Variants in RPS6KC1 observed in about 807,000 individuals in gnomAD.
RPS6KC1 encodes ribosomal protein S6 kinase C1.
In RPS6KC1, 54 loss-of-function variants were observed where a neutral mutation model predicts 103.8. That is an observed-to-expected ratio of 0.52 (90% CI 0.42 to 0.65). The LOEUF (loss-of-function observed/expected upper bound fraction) is 0.65. Among genes scored for constraint, RPS6KC1 ranks in the 30% least tolerant of loss-of-function variants. The probability of loss-of-function intolerance (pLI) is 0.00; values close to 1 mark genes in which losing one functional copy is unlikely to be tolerated. For synonymous variants in RPS6KC1, 439 were observed against 438.7 expected (o/e 1.00, Z -0.01); for missense variants, 1,151 against 1,253.8 (o/e 0.92, Z 1.24).
At chr1:213,197,523 A>AGTAT (rs3056229) in intron 8 of RPS6KC1, among the ~76,000 whole-genome samples, 16,013 of 150,580 alleles carry the variant, frequency 0.11, 962 homozygotes, top group Middle Eastern at 0.17. Flanking sequence ...TGTATTCCTA[A>AGTAT]GTATGTATGT....
At chr1:213,506,538 C>A in the RPS6KC1 span, among the ~76,000 whole-genome samples, 1 of 152,180 alleles carries the variant, frequency 6.6e-6, no homozygotes, top group East Asian at 1.9e-4. Flanking sequence ...GGGTCACCCA[C>A]CAGGTCTAGC....
the RPS6KC1 span, among the ~76,000 whole-genome samples, chr1:213,580,641 C>T: frequency 1.3e-5 from 2 of 151,912 alleles, no homozygotes; most frequent in African/African-American, 4.8e-5. Flanking sequence ...TAAGAAATTG[C>T]CACAGCCAAC....
the RPS6KC1 span, among the ~76,000 whole-genome samples, chr1:213,644,690 A>G: frequency 6.6e-6 from 1 of 152,072 alleles, no homozygotes; most frequent in Non-Finnish European, 1.5e-5. Context: ...ATGTCTTTTC[A>G]TGACTTGACA....
the RPS6KC1 span, among the ~76,000 whole-genome samples, chr1:213,363,625 GCTTTCTTTCTTTCTTT>G: frequency 0.038 from 2,752 of 73,334 alleles, 162 homozygotes; most frequent in Admixed American, 0.05. Context: ...TTGCTTGCTT[GCTTTCTTTCTTTCTTT>G]CTTTCTTTCT....
At chr1:213,279,098 A>G (rs2095118040), downstream of RPS6KC1, among the ~76,000 whole-genome samples, 1 of 152,042 alleles carries the variant, frequency 6.6e-6, no homozygotes, top group South Asian at 2.1e-4. Flanking sequence ...GTTGTGGGGA[A>G]CTAGTGATGT....
chr1:213,187,879 A>T (rs1338215864), intron 8 of RPS6KC1, among the ~76,000 whole-genome samples: 1 of 151,970 alleles, frequency 6.6e-6, no homozygotes. Flanking sequence ...GTGAATCTTT[A>T]CATCTAGGTA....
At chr1:213,760,670 A>G in the RPS6KC1 span, among the ~76,000 whole-genome samples, 1 of 152,302 alleles carries the variant, frequency 6.6e-6, no homozygotes, top group South Asian at 2.1e-4. Flanking sequence ...TGGATAATGG[A>G]TTATTTAACT....
the RPS6KC1 span, among the ~76,000 whole-genome samples, chr1:213,506,419 C>G: frequency 2.2e-3 from 331 of 152,334 alleles, 2 homozygotes; most frequent in South Asian, 9.3e-3. Flanking sequence ...ATTGTCCAAA[C>G]TCTCTCACTA....
chr1:213,119,498 A>G (rs976553365), intron 5 of RPS6KC1, among the ~76,000 whole-genome samples: 3 of 99,692 alleles, frequency 3.0e-5, no homozygotes, highest in African/African-American at 7.4e-5. Context: ...ATATATATAT[A>G]TGAGAGTATT....
chr1:213,466,096 C>T, the RPS6KC1 span, among the ~76,000 whole-genome samples: 4 of 152,070 alleles, frequency 2.6e-5, no homozygotes, highest in Non-Finnish European at 2.9e-5. Flanking sequence ...CCCACCTGTC[C>T]CCCACAACCT....
At position 213,072,944 on chromosome 1, in the gene RPS6KC1, T is replaced by C. The variant is rs745531164; in HGVS notation, c.141+1903T>C. 5 of 969,572 alleles carry C rather than the reference T, an allele frequency of 5.2e-6. No individual in the cohort carries two copies. In the African/African-American group the frequency reaches 5.3e-5, roughly 10 times the overall value. 60.1% of individuals were successfully genotyped at this position (969,572 alleles called of 1,614,324 possible). ...TAGTCCTTTTTTCGGGAAAACTCTTTTATAATAACAACTGTTGGTGAACCA... is the reference window on the plus strand; with the variant it reads ...TAGTCCTTTTTTCGGGAAAACTCTTCTATAATAACAACTGTTGGTGAACCA... On this transcript the variant is annotated intron_variant, in intron 2 of 14. Coordinates refer to ENST00000366960, the MANE Select transcript of RPS6KC1 (RefSeq NM_012424.6).
the RPS6KC1 span, among the ~76,000 whole-genome samples, chr1:213,657,567 C>T: frequency 0.018 from 2,757 of 152,154 alleles, 43 homozygotes; most frequent in Middle Eastern, 0.048. Context: ...ACGAATAACA[C>T]GATTACATCA....
At chr1:213,210,617 A>AT (rs2093477872) in intron 8 of RPS6KC1, among the ~76,000 whole-genome samples, 1 of 152,176 alleles carries the variant, frequency 6.6e-6, no homozygotes, top group African/African-American at 2.4e-5. Flanking sequence ...ACATTTTGGA[A>AT]TTTTTCAGAA....
chr1:213,380,521 G>A, the RPS6KC1 span, among the ~76,000 whole-genome samples: 1 of 151,898 alleles, frequency 6.6e-6, no homozygotes. Flanking sequence ...TGCTAAAATA[G>A]TAAATATTAA....
chr1:213,113,563 A>G (rs1295417938), intron 4 of RPS6KC1, among the ~76,000 whole-genome samples: 6 of 151,168 alleles, frequency 4.0e-5, no homozygotes, highest in Non-Finnish European at 8.9e-5. Flanking sequence ...CTTTAGTTTA[A>G]TTAGATCCCA....
At chr1:213,626,509 T>C in the RPS6KC1 span, among the ~76,000 whole-genome samples, 1 of 152,236 alleles carries the variant, frequency 6.6e-6, no homozygotes, top group Non-Finnish European at 1.5e-5. Flanking sequence ...CCCATGCCTA[T>C]GTCCTGAATG....
chr1:213,743,207 TA>T, the RPS6KC1 span, among the ~76,000 whole-genome samples: 1 of 152,228 alleles, frequency 6.6e-6, no homozygotes, highest in Admixed American at 6.5e-5. Flanking sequence ...TACACAGTCA[TA>T]AAAAAGAATG....
chr1:213,362,942 G>A, the RPS6KC1 span, among the ~76,000 whole-genome samples: 18 of 152,154 alleles, frequency 1.2e-4, no homozygotes. Context: ...GGCCCACCCT[G>A]CAAATTTTGG....
the RPS6KC1 span, among the ~76,000 whole-genome samples, chr1:213,777,605 A>T: frequency 6.6e-6 from 1 of 152,352 alleles, no homozygotes; most frequent in East Asian, 1.9e-4. Context: ...ATTCTTGCTT[A>T]ATGCAAGGTT....
Sources: allele counts gnomAD v4.1 joint callset (sites outside exome capture counted in the v4.1 genomes callset), GRCh38; gene constraint gnomAD v4.1.1; transcripts MANE v1.5; gene names NCBI Gene and HGNC (gene_info 2026-07-23, HGNC 2026-07-21).